The following CTNNA2 variants were observed in gnomAD, a reference collection of about 807,000 sequenced individuals.
CTNNA2 encodes the protein catenin alpha-2.
Under a neutral mutation model 101.0 loss-of-function variants are expected in CTNNA2, and 42 were observed. That is an observed-to-expected ratio of 0.42 (90% confidence interval 0.32 to 0.54). CTNNA2 has a LOEUF of 0.54. Ranked by LOEUF, CTNNA2 falls within the 20% of genes least tolerant of loss-of-function variation. CTNNA2 has a pLI of 0.14. For synonymous variants in CTNNA2, 450 were observed against 456.4 expected (o/e 0.99, Z 0.18); for missense variants, 871 against 1,223.1 (o/e 0.71, Z 4.29).
At chr2:79,578,288 C>T (rs1201604264) in intron 1 of CTNNA2, among the ~76,000 whole-genome samples, 2 of 151,840 alleles carry the variant, frequency 1.3e-5, no homozygotes, top group Admixed American at 6.6e-5. Flanking sequence ...GATAATATCC[C>T]TTTGTATGTT....
rs76760741 is a variant in CTNNA2, at chr2:79,476,080, A to G, written c.-134-28974A>G. Among the ~76,000 whole-genome samples the G allele has an allele frequency of 9.7e-3, 1,470 of 152,324 alleles. 18 individuals are homozygous for G. Among genetic ancestry groups the G allele is most frequent in the East Asian group, 0.034 (177 of 5,184 alleles). On this transcript the variant is annotated intron_variant, in intron 4 of 21. Transcript: ENST00000466387. Reference sequence around the variant, plus strand: ...TAATTTCAAATTACACAGAGAATCAATTTGTAGAAACTAAGTCCAAGATCA... The same window carrying G: ...TAATTTCAAATTACACAGAGAATCAGTTTGTAGAAACTAAGTCCAAGATCA...
intron 9 of CTNNA2, among the ~76,000 whole-genome samples, chr2:80,425,645 T>C (rs986108663): frequency 9.9e-5 from 15 of 152,202 alleles, no homozygotes; most frequent in African/African-American, 3.6e-4. Context: ...ATGATGGTTT[T>C]AGTCCTTCAA....
chr2:79,342,956 G>A (rs1475077273), intron 3 of CTNNA2, among the ~76,000 whole-genome samples: 1 of 152,080 alleles, frequency 6.6e-6, no homozygotes, highest in Non-Finnish European at 1.5e-5. Context: ...TTCTCCTATG[G>A]CAATAAATAT....
intron 7 of CTNNA2, among the ~76,000 whole-genome samples, chr2:80,102,647 G>A (rs1252403113): frequency 6.6e-6 from 1 of 151,986 alleles, no homozygotes; most frequent in African/African-American, 2.4e-5. Flanking sequence ...TGAGTAGTTG[G>A]GACTACAGGC....
At chr2:79,477,465 C>A (rs1671062435) in intron 4 of CTNNA2, among the ~76,000 whole-genome samples, 1 of 152,168 alleles carries the variant, frequency 6.6e-6, no homozygotes, top group Non-Finnish European at 1.5e-5. Context: ...GCCATCACAC[C>A]CAGCCCATTG....
chr2:79,226,325 T>C (rs752738815), intron 2 of CTNNA2, among the ~76,000 whole-genome samples: 6 of 152,172 alleles, frequency 3.9e-5, no homozygotes, highest in Middle Eastern at 3.2e-3. Context: ...GACTTTCTCA[T>C]CTATAAAACT....
chr2:80,342,646 C>T (rs2149281158), intron 7 of CTNNA2, among the ~76,000 whole-genome samples: 1 of 151,992 alleles, frequency 6.6e-6, no homozygotes, highest in African/African-American at 2.4e-5. Context: ...TTTTTAAAAT[C>T]TTTCTTTTCA....
intron 2 of CTNNA2, among the ~76,000 whole-genome samples, chr2:79,672,644 A>G (rs922488720): frequency 6.6e-6 from 1 of 152,076 alleles, no homozygotes; most frequent in Admixed American, 6.5e-5. Flanking sequence ...AAAATAAAAA[A>G]TAGGATAACT....
At chr2:79,207,789 G>A (rs922913430) in intron 2 of CTNNA2, among the ~76,000 whole-genome samples, 3 of 152,152 alleles carry the variant, frequency 2.0e-5, no homozygotes, top group Non-Finnish European at 4.4e-5. Context: ...GCTCCCTGAT[G>A]ATGGAGGAGT....
intron 3 of CTNNA2, among the ~76,000 whole-genome samples, chr2:79,341,376 G>T (rs1476753553): frequency 2.0e-5 from 3 of 152,132 alleles, no homozygotes; most frequent in African/African-American, 7.2e-5. Context: ...TTTCTGATAG[G>T]ACCAGTCTCT....
At chr2:79,835,077 A>G (rs1679220062) in intron 3 of CTNNA2, among the ~76,000 whole-genome samples, 2 of 152,112 alleles carry the variant, frequency 1.3e-5, no homozygotes, top group East Asian at 1.9e-4. Flanking sequence ...AAATATTGAT[A>G]TCTATCAGGG....
At chr2:80,606,290 T>C (rs1027637944) in intron 16 of CTNNA2, among the ~76,000 whole-genome samples, 4 of 151,710 alleles carry the variant, frequency 2.6e-5, no homozygotes, top group African/African-American at 9.7e-5. Flanking sequence ...TTTTTGATTT[T>C]ACCTTTTTGG....
intron 6 of CTNNA2, among the ~76,000 whole-genome samples, chr2:79,896,083 A>G (rs984938501): frequency 2.6e-5 from 4 of 152,158 alleles, no homozygotes; most frequent in South Asian, 4.1e-4. Flanking sequence ...GGGAGGTCGA[A>G]ACCAGCCTGG....
Position 79,735,652 on chromosome 2 carries a change from A to G in CTNNA2, c.103-8735A>G, listed in dbSNP as rs186869394. The stretch of plus-strand genomic sequence containing the variant: ...ACTTAAAAGTTGAGGGTACGTCTAC[A>G]ATAATTAATAAGTATAATACGTTAA... On this transcript the variant is annotated intron_variant, in intron 2 of 18. Transcript: ENST00000402739. Among the ~76,000 whole-genome samples the G allele has an allele frequency of 1.9e-3, 292 of 152,362 alleles. 1 individual carries two copies. The highest frequency in any genetic ancestry group is 6.8e-3 in the Middle Eastern group (2 of 294).
intron 2 of CTNNA2, among the ~76,000 whole-genome samples, chr2:79,258,219 A>T (rs2104282668): frequency 6.6e-6 from 1 of 152,190 alleles, no homozygotes; most frequent in Middle Eastern, 3.4e-3. Flanking sequence ...GCCAAGCAGA[A>T]TTTTTTTTCA....
At chr2:79,361,858 A>G (rs1437134150) in intron 3 of CTNNA2, among the ~76,000 whole-genome samples, 1 of 152,076 alleles carries the variant, frequency 6.6e-6, no homozygotes, top group African/African-American at 2.4e-5. Context: ...ACTGCTTTAT[A>G]TTGTAGCCAC....
At chr2:79,671,498 AG>A (rs1682839006) in intron 2 of CTNNA2, among the ~76,000 whole-genome samples, 1 of 133,126 alleles carries the variant, frequency 7.5e-6, no homozygotes, top group South Asian at 3.0e-4. Flanking sequence ...TCATATGAGA[AG>A]GAAAAAAAAG....
intron 7 of CTNNA2, among the ~76,000 whole-genome samples, chr2:80,053,271 G>A (rs531422233): frequency 6.6e-4 from 100 of 152,188 alleles, no homozygotes; most frequent in Non-Finnish European, 1.2e-3. Flanking sequence ...GAGTTTCAAG[G>A]TGACTTCTTC....
intron 2 of CTNNA2, among the ~76,000 whole-genome samples, chr2:79,299,100 G>A (rs1676047585): frequency 1.3e-5 from 2 of 152,172 alleles, no homozygotes; most frequent in Admixed American, 1.3e-4. Context: ...TCAACTCATA[G>A]GTTTAGTATC....
Sources: gnomAD v4.1 joint callset for allele counts (sites outside exome capture counted in the v4.1 genomes callset) on GRCh38, gnomAD v4.1.1 for gene constraint, MANE v1.5 for transcripts, NCBI Gene and HGNC (gene_info 2026-07-23, HGNC 2026-07-21) for gene names.